The following SAMD5 variants were observed in gnomAD, a reference collection of about 807,000 sequenced individuals.
SAMD5 encodes sterile alpha motif domain containing 5.
In SAMD5, 13 loss-of-function variants were observed where a neutral mutation model predicts 11.3. That is an observed-to-expected ratio of 1.15 (90% confidence interval 0.75 to 1.83). The LOEUF (loss-of-function observed/expected upper bound fraction) is 1.83. Among genes scored for constraint, SAMD5 ranks in the 40% most tolerant of loss-of-function variants. The pLI is 0.00. For missense variants in SAMD5, 255 were observed against 239.1 expected, an observed-to-expected ratio of 1.07 and a Z score of -0.44; for synonymous variants, 129 against 111.3, an observed-to-expected ratio of 1.16 and a Z score of -1.00.
downstream of SAMD5, among the ~76,000 whole-genome samples, chr6:147,571,947 T>A (rs561504438): frequency 6.6e-6 from 1 of 152,112 alleles, no homozygotes; most frequent in South Asian, 2.1e-4. Flanking sequence ...CTGTGAAAGG[T>A]TTGAGACACA....
At chr6:147,918,071 G>T in the SAMD5 span, among the ~76,000 whole-genome samples, 1 of 152,186 alleles carries the variant, frequency 6.6e-6, no homozygotes, top group Non-Finnish European at 1.5e-5. Context: ...GAACTTTAAA[G>T]TAGTTTTTTT....
chr6:147,749,833 T>C, the SAMD5 span, among the ~76,000 whole-genome samples: 1 of 152,162 alleles, frequency 6.6e-6, no homozygotes, highest in Non-Finnish European at 1.5e-5. Flanking sequence ...ACTAAAGTAG[T>C]GTGTATATGC....
the SAMD5 span, among the ~76,000 whole-genome samples, chr6:147,918,688 CTT>C: frequency 3.1e-4 from 31 of 99,420 alleles, no homozygotes; most frequent in African/African-American, 1.1e-3. Flanking sequence ...CACAAGCATT[CTT>C]TTTTTTTTTT....
chr6:147,835,346 C>T, the SAMD5 span, among the ~76,000 whole-genome samples: 1 of 152,086 alleles, frequency 6.6e-6, no homozygotes, highest in African/African-American at 2.4e-5. Context: ...GCTCCAGTTC[C>T]AGGCTCTCCC....
intron 1 of SAMD5, among the ~76,000 whole-genome samples, chr6:147,700,267 C>G (rs1791234411): frequency 6.6e-6 from 1 of 152,106 alleles, no homozygotes; most frequent in African/African-American, 2.4e-5. Flanking sequence ...TTGCGTGATC[C>G]TAATTGGGAA....
At chr6:147,826,842 CTTG>C in the SAMD5 span, among the ~76,000 whole-genome samples, 1 of 152,112 alleles carries the variant, frequency 6.6e-6, no homozygotes, top group Non-Finnish European at 1.5e-5. Context: ...GGACCGTGCT[CTTG>C]TTGTTGCAGG....
At chr6:147,901,816 C>CCAT in the SAMD5 span, among the ~76,000 whole-genome samples, 1 of 152,080 alleles carries the variant, frequency 6.6e-6, no homozygotes, top group African/African-American at 2.4e-5. Flanking sequence ...CCCTTCATAC[C>CCAT]CATGTCTTTG....
chr6:147,599,074 C>A (rs1401947690), intron 1 of SAMD5, among the ~76,000 whole-genome samples: 2 of 152,150 alleles, frequency 1.3e-5, no homozygotes, highest in Admixed American at 1.3e-4. Flanking sequence ...GTGGAAGTTG[C>A]AGATGAGGGA....
At chr6:147,520,796 T>C (rs1788241976) in intron 1 of SAMD5, among the ~76,000 whole-genome samples, 1 of 152,208 alleles carries the variant, frequency 6.6e-6, no homozygotes, top group African/African-American at 2.4e-5. Context: ...TGTTTTGATA[T>C]ATGTATACAT....
intron 1 of SAMD5, among the ~76,000 whole-genome samples, chr6:147,682,916 G>A (rs1193334384): frequency 6.6e-6 from 1 of 152,158 alleles, no homozygotes; most frequent in African/African-American, 2.4e-5. Context: ...AAAACTGTAT[G>A]TAAAAATCCA....
the SAMD5 span, among the ~76,000 whole-genome samples, chr6:147,786,134 T>C: frequency 1.3e-5 from 2 of 152,206 alleles, no homozygotes; most frequent in African/African-American, 4.8e-5. Context: ...AAATGTCTCC[T>C]AAGCCTATTC....
chr6:147,589,560 G>A (rs530642814), intron 1 of SAMD5, among the ~76,000 whole-genome samples: 2 of 152,062 alleles, frequency 1.3e-5, no homozygotes, highest in Non-Finnish European at 1.5e-5. Context: ...TCCAAGCCTC[G>A]GCGTCCTCAT....
At chr6:147,633,089 C>T (rs147204051) in intron 1 of SAMD5, among the ~76,000 whole-genome samples, 111 of 152,254 alleles carry the variant, frequency 7.3e-4, no homozygotes, top group African/African-American at 2.2e-3. Context: ...GAAATACAGG[C>T]ACTTTCAGTT....
At chr6:147,547,542 A>C (rs1177961272) in intron 1 of SAMD5, among the ~76,000 whole-genome samples, 1 of 152,220 alleles carries the variant, frequency 6.6e-6, no homozygotes, top group African/African-American at 2.4e-5. Context: ...TCAAACCAGC[A>C]ATGGTGGGTT....
At chr6:147,894,551 C>T in the SAMD5 span, among the ~76,000 whole-genome samples, 3 of 152,222 alleles carry the variant, frequency 2.0e-5, no homozygotes, top group Middle Eastern at 3.4e-3. Context: ...GCAGTGCATC[C>T]GTGAGACCTA....
chr6:147,859,447 T>C, the SAMD5 span, among the ~76,000 whole-genome samples: 1 of 152,242 alleles, frequency 6.6e-6, no homozygotes, highest in Non-Finnish European at 1.5e-5. Context: ...TACTGATGTC[T>C]GCTGATTTAG....
rs1160531617 is a variant in SAMD5 at position 147,566,378 on chromosome 6, A to G, written c.*1922A>G. 1 of 985,040 alleles carries G rather than the reference A, an allele frequency of 1.0e-6. No homozygotes were observed. Among genetic ancestry groups the G allele is most frequent in the African/African-American group, 1.7e-5 (1 of 57,148 alleles). The allele number at this position is 985,040 out of a possible 1,614,324, so 61.0% of individuals were successfully genotyped here. A position where few individuals can be genotyped will look rare whatever the true frequency, so the allele number is the denominator to read the frequency against. ...GGAGTCTGTATAGATTACAGATATAATTTATTGTGATAACAAATGGCTTCC... is the reference window on the plus strand; with the variant it reads ...GGAGTCTGTATAGATTACAGATATAGTTTATTGTGATAACAAATGGCTTCC... On this transcript the variant is annotated 3_prime_UTR_variant, in exon 2 of 2. Coordinates refer to ENST00000367474, the MANE Select transcript of SAMD5 (RefSeq NM_001030060.3).
At chr6:147,713,447 C>T (rs141395449) in intron 1 of SAMD5, among the ~76,000 whole-genome samples, 1 of 152,078 alleles carries the variant, frequency 6.6e-6, no homozygotes, top group East Asian at 1.9e-4. Flanking sequence ...TTCTGGATAC[C>T]TCCTCATTAT....
the SAMD5 span, among the ~76,000 whole-genome samples, chr6:147,952,810 G>T: frequency 6.6e-6 from 1 of 152,108 alleles, no homozygotes; most frequent in East Asian, 1.9e-4. Flanking sequence ...CACCGCACCC[G>T]GCCCTTTTTT....
Sources: allele counts gnomAD v4.1 joint callset (sites outside exome capture counted in the v4.1 genomes callset), GRCh38; gene constraint gnomAD v4.1.1; transcripts MANE v1.5; gene names NCBI Gene and HGNC (gene_info 2026-07-23, HGNC 2026-07-21).